TANC2: variants seen among roughly 807,000 people sequenced by gnomAD.
The protein encoded by TANC2 is protein TANC2.
Under a neutral mutation model 210.5 loss-of-function variants are expected in TANC2, and 26 were observed. The ratio of observed to expected loss-of-function variants is 0.12; its 90% CI spans 0.09 to 0.17. The LOEUF (loss-of-function observed/expected upper bound fraction) is 0.17. Among genes scored for constraint, TANC2 ranks in the 10% least tolerant of loss-of-function variants. The probability of loss-of-function intolerance (pLI) is 1.00; values close to 1 mark genes in which losing one functional copy is unlikely to be tolerated. For synonymous variants in TANC2, 931 were observed against 967.1 expected, an observed-to-expected ratio of 0.96 and a Z score of 0.69; for missense variants, 2,129 against 2,608.9, an observed-to-expected ratio of 0.82 and a Z score of 4.01.
intron 2 of TANC2, among the ~76,000 whole-genome samples, chr17:63,038,168 G>A (rs957379193): frequency 4.6e-5 from 7 of 152,200 alleles, no homozygotes; most frequent in Non-Finnish European, 8.8e-5. Flanking sequence ...ATATTTTATG[G>A]ATGTTCTTTA....
intron 4 of TANC2, among the ~76,000 whole-genome samples, chr17:63,102,125 A>G (rs1055752080): frequency 6.6e-6 from 1 of 152,006 alleles, no homozygotes; most frequent in Non-Finnish European, 1.5e-5. Context: ...ACATAATGAG[A>G]CCTTGTCTCT....
chr17:63,394,490 T>C (rs978444531), intron 17 of TANC2, among the ~76,000 whole-genome samples: 3 of 152,204 alleles, frequency 2.0e-5, no homozygotes, highest in Non-Finnish European at 4.4e-5. Flanking sequence ...TTTTTGAAAA[T>C]ACAGTTCTGA....
chr17:63,192,550 C>T (rs1432626501), intron 5 of TANC2, among the ~76,000 whole-genome samples: 1 of 151,632 alleles, frequency 6.6e-6, no homozygotes, highest in Non-Finnish European at 1.5e-5. Flanking sequence ...TATTTCTTTC[C>T]AGTGAGGAAG....
chr17:63,210,173 A>T (rs2041840814), intron 7 of TANC2, among the ~76,000 whole-genome samples: 3 of 151,776 alleles, frequency 2.0e-5, no homozygotes, highest in South Asian at 4.2e-4. Flanking sequence ...AAATATAAAT[A>T]CTCCCCAAGG....
At chr17:63,393,384 A>G (rs141523871) in intron 17 of TANC2, 1 of 152,294 alleles carries the variant, frequency 6.6e-6, no homozygotes, top group Non-Finnish European at 1.5e-5. Flanking sequence ...CACTGACCAT[A>G]TATCAGTGAT....
chr17:63,179,973 TAAAAAAA>T (rs34426210), intron 5 of TANC2, among the ~76,000 whole-genome samples: 2 of 123,268 alleles, frequency 1.6e-5, no homozygotes, highest in South Asian at 2.7e-4. Context: ...TACATCTCTT[TAAAAAAA>T]AAAAAAAAAA....
At position 63,420,741 on chromosome 17, in the gene TANC2, C is replaced by T. The variant is rs1233680392; in HGVS notation, c.5011C>T (p.Arg1671Trp). Residue 1671 changes from arginine (R) to tryptophan (W), a missense_variant, in exon 28 of 28, where the codon CGG becomes TGG. Arg to Trp is a moderately radical substitution (Grantham distance 101, BLOSUM62 -3). Around this residue, in one of 5 missense-constraint regions of TANC2, gnomAD observed 584 missense variants for 627.3 expected, o/e 0.93. Transcript: ENST00000689528. This position sits in a 1 kb window ranked among gnomAD's most constrained non-coding sequence, Gnocchi z 4.2. ...ATCTCCATTATCCAAAATGGCCCAGCGGCCCTACCAGATGCCTCAGCTCCC... is the reference window on the plus strand; with the variant it reads ...ATCTCCATTATCCAAAATGGCCCAGTGGCCCTACCAGATGCCTCAGCTCCC... 10 of 1,613,890 alleles carry T rather than the reference C, an allele frequency of 6.2e-6. No individual in the cohort carries two copies. Among genetic ancestry groups the T allele is most frequent in the African/African-American group, 4.0e-5 (3 of 74,932 alleles).
chr17:63,141,983 A>G (rs995002705), intron 4 of TANC2, among the ~76,000 whole-genome samples: 2 of 152,214 alleles, frequency 1.3e-5, no homozygotes, highest in South Asian at 2.1e-4. Context: ...GCAAAGTGTG[A>G]TGATATTTAT....
chr17:63,167,380 G>C (rs2040244655), intron 5 of TANC2, among the ~76,000 whole-genome samples: 1 of 152,096 alleles, frequency 6.6e-6, no homozygotes, highest in African/African-American at 2.4e-5. Flanking sequence ...CAGAAAATGT[G>C]GTTGGGTTGG....
chr17:63,389,915 C>G lies in TANC2; in HGVS notation c.3051+371C>G, dbSNP rs545114310. The G allele has an allele frequency of 6.7e-4, 190 of 284,560 alleles. 1 individual carries two copies. The highest frequency in any genetic ancestry group is 4.0e-3 in the African/African-American group (182 of 45,904). The allele number at this position is 284,560 out of a possible 1,614,324, so 17.6% of individuals were successfully genotyped here. On this transcript the variant is annotated intron_variant, in intron 17 of 27. Coordinates refer to ENST00000689528, the Ensembl canonical transcript of TANC2. The stretch of plus-strand genomic sequence containing the variant: ...GCAGGTCTGGACCAAATGACACCTG[C>G]AGGCTCTAAGCCTTTCATGTGTAGA...
intron 3 of TANC2, among the ~76,000 whole-genome samples, chr17:63,077,209 C>T (rs189276490): frequency 6.6e-6 from 1 of 152,146 alleles, no homozygotes; most frequent in East Asian, 1.9e-4. Flanking sequence ...AAAAATAAAG[C>T]AGCATCTTCA....
chr17:63,055,979 AAAAAAAAAAAAAT>A lies in TANC2; in HGVS notation c.68-17962_68-17950del, dbSNP rs1178423513. ...CTCATCTCTACCAAAAAAAAAAAAA[AAAAAAAAAAAAAT>A]ATATATATATATATATATATATATA... On this transcript the variant is annotated intron_variant, in intron 2 of 27. Coordinates refer to ENST00000689528, the Ensembl canonical transcript of TANC2. Among the ~76,000 whole-genome samples, 316 of 41,920 alleles carry A rather than the reference AAAAAAAAAAAAAT, an allele frequency of 7.5e-3. 3 individuals carry two copies. Among genetic ancestry groups the A allele is most frequent in the Middle Eastern group, 0.011 (1 of 90 alleles). The allele number at this position is 41,920 out of a possible 152,430, so 27.5% of individuals were successfully genotyped here.
chr17:63,128,409 T>C (rs1450909469), intron 4 of TANC2, among the ~76,000 whole-genome samples: 3 of 152,160 alleles, frequency 2.0e-5, no homozygotes, highest in Admixed American at 2.0e-4. Context: ...TTTCAGTGAA[T>C]TTGGGTGAAG....
chr17:63,379,563 G>C (rs1382055970), intron 14 of TANC2, among the ~76,000 whole-genome samples, 155 bp from the exon 15 acceptor site: 2 of 152,204 alleles, frequency 1.3e-5, no homozygotes, highest in African/African-American at 4.8e-5. Context: ...TAGCTACTCA[G>C]GAGGCTGAGG....
chr17:63,218,093 G>A lies in TANC2; in HGVS notation c.769+17136G>A, dbSNP rs571004511. On this transcript the variant is annotated intron_variant, in intron 7 of 27. Coordinates refer to ENST00000689528, the Ensembl canonical transcript of TANC2. ...GAGGCCAGAAGTTCGAGAGTTGCCT[G>A]GGCAACATAGTGAGATCCTGTCTCT... 2.0e-5 allele frequency among the ~76,000 whole-genome samples: 3 copies of A among 152,226 alleles called. No individual in the cohort carries two copies. In the South Asian group the frequency reaches 6.2e-4, roughly 32 times the overall value.
intron 4 of TANC2, among the ~76,000 whole-genome samples, chr17:63,100,464 A>G (rs1428650081): frequency 6.6e-6 from 1 of 152,136 alleles, no homozygotes; most frequent in African/African-American, 2.4e-5. Flanking sequence ...AAATAGGTAA[A>G]ATAGCCTAAA....
At chr17:63,304,269 G>A (rs1209804092) in intron 9 of TANC2, among the ~76,000 whole-genome samples, 1 of 152,138 alleles carries the variant, frequency 6.6e-6, no homozygotes, top group Non-Finnish European at 1.5e-5. Flanking sequence ...TGGGGTTTTT[G>A]TGGGTATCTT....
chr17:63,222,092 C>A (rs2042208255), intron 7 of TANC2, among the ~76,000 whole-genome samples: 3 of 152,256 alleles, frequency 2.0e-5, no homozygotes, highest in Admixed American at 2.0e-4. Flanking sequence ...TGGATCAAGG[C>A]AGATTCAGTG....
At chr17:63,125,702 C>T (rs1474496217) in intron 4 of TANC2, among the ~76,000 whole-genome samples, 2 of 152,066 alleles carry the variant, frequency 1.3e-5, no homozygotes, top group Admixed American at 6.5e-5. Flanking sequence ...GTAGTTTCTC[C>T]TTCCTTGTTT....
Sources: allele counts gnomAD v4.1 joint callset (sites outside exome capture counted in the v4.1 genomes callset), GRCh38; gene constraint gnomAD v4.1.1; regional missense constraint gnomAD v4.1.1; non-coding constraint Gnocchi (gnomAD v3.1); transcripts MANE v1.5; gene names NCBI Gene and HGNC (gene_info 2026-07-23, HGNC 2026-07-21).